IL1RAPL2: variants seen among roughly 807,000 people sequenced by gnomAD.
IL1RAPL2 encodes X-linked interleukin-1 receptor accessory protein-like 2.
A neutral mutation model predicts 44.1 loss-of-function variants in IL1RAPL2; 3 were observed. The observed-to-expected ratio is 0.07, with a 90% CI of 0.03 to 0.18. The LOEUF (loss-of-function observed/expected upper bound fraction) is 0.18. Among genes scored for constraint, IL1RAPL2 ranks in the 10% least tolerant of loss-of-function variants. IL1RAPL2 has a pLI of 1.00. For missense variants in IL1RAPL2, 391 were observed against 496.4 expected (o/e 0.79, Z 2.02); for synonymous variants, 181 against 178.8 (o/e 1.01, Z -0.10).
At chrX:104,828,929 T>C (rs921849915) in intron 2 of IL1RAPL2, among the ~76,000 whole-genome samples, 1 of 112,228 alleles carries the variant, frequency 8.9e-6, no homozygotes, top group Non-Finnish European at 1.9e-5. Flanking sequence ...TTTACCCTGT[T>C]AGGGGAGAAC....
At chrX:105,427,166 C>A (rs1481518216) in intron 5 of IL1RAPL2, among the ~76,000 whole-genome samples, 1 of 112,064 alleles carries the variant, frequency 8.9e-6, no homozygotes, top group Non-Finnish European at 1.9e-5. Context: ...ATCATGTCAT[C>A]TTGGATTAAT....
chrX:105,675,621 C>CT (rs2037864192), intron 6 of IL1RAPL2, among the ~76,000 whole-genome samples: 1 of 111,392 alleles, frequency 9.0e-6, no homozygotes, highest in South Asian at 3.8e-4. Flanking sequence ...CTGAAGTTTT[C>CT]TTTTTTTGTT....
chrX:105,390,642 C>T (rs1314265631), intron 5 of IL1RAPL2, among the ~76,000 whole-genome samples: 1 of 110,274 alleles, frequency 9.1e-6, no homozygotes, highest in Admixed American at 9.8e-5. Flanking sequence ...ATAACATTCC[C>T]CCCACTGTCT....
At chrX:104,612,723 G>T (rs896398169) in intron 1 of IL1RAPL2, among the ~76,000 whole-genome samples, 1 of 111,254 alleles carries the variant, frequency 9.0e-6, no homozygotes, top group Non-Finnish European at 1.9e-5. Flanking sequence ...AAATGACATT[G>T]GTAGTTTGAT....
At chrX:104,898,489 G>T (rs1011477254) in intron 2 of IL1RAPL2, among the ~76,000 whole-genome samples, 1 of 112,278 alleles carries the variant, frequency 8.9e-6, no homozygotes, top group African/African-American at 3.2e-5. Context: ...TTTCAAATAA[G>T]AATCAGAAAA....
intron 2 of IL1RAPL2, among the ~76,000 whole-genome samples, chrX:104,962,203 C>A (rs2030021949): frequency 3.6e-5 from 4 of 112,152 alleles, no homozygotes; most frequent in Non-Finnish European, 7.5e-5. Context: ...ATAGTTAAGT[C>A]TGTTTCCTAG....
At position 105,699,375 on chromosome X, in the gene IL1RAPL2, G is replaced by A. The variant is rs528056343; in HGVS notation, c.773-17992G>A. On this transcript the variant is annotated intron_variant, in intron 6 of 10. Coordinates refer to ENST00000372582, the MANE Select transcript of IL1RAPL2 (RefSeq NM_017416.2). ...AAATGTTTATGAGAGCCTACTACGT[G>A]TCAATTACTCTTCCATGCTCTAGGG... is the stretch of plus-strand genomic sequence containing the variant. Among the ~76,000 whole-genome samples, 7 of 111,382 alleles carry A rather than the reference G, an allele frequency of 6.3e-5. No homozygotes were observed. In the South Asian group the frequency reaches 2.6e-3, roughly 42 times the overall value.
chrX:104,636,186 C>G (rs1007609748), intron 1 of IL1RAPL2, among the ~76,000 whole-genome samples: 3 of 111,838 alleles, frequency 2.7e-5, no homozygotes, highest in African/African-American at 9.8e-5. Context: ...ATGTTGCTGC[C>G]TGGTCGTTCC....
intron 5 of IL1RAPL2, among the ~76,000 whole-genome samples, chrX:105,405,019 G>T (rs1407365993): frequency 9.0e-6 from 1 of 111,164 alleles, no homozygotes; most frequent in African/African-American, 3.3e-5. Context: ...CTCACATATG[G>T]TTATATACAT....
At chrX:105,447,015 GAAGGTC>G (rs1232427336) in intron 5 of IL1RAPL2, among the ~76,000 whole-genome samples, 11 of 85,294 alleles carry the variant, frequency 1.3e-4, no homozygotes, top group African/African-American at 4.7e-4. Context: ...ATTTGTCTGC[GAAGGTC>G]TTCATTTCTC....
intron 5 of IL1RAPL2, among the ~76,000 whole-genome samples, chrX:105,281,895 A>T (rs2034535584): frequency 9.0e-6 from 1 of 111,731 alleles, no homozygotes; most frequent in South Asian, 3.7e-4. Context: ...AGGTGAGTTC[A>T]TGGCCATTTC....
chrX:105,122,560 G>A (rs1020672046), intron 2 of IL1RAPL2, among the ~76,000 whole-genome samples: 1 of 111,406 alleles, frequency 9.0e-6, no homozygotes, highest in Non-Finnish European at 1.9e-5. Context: ...GCTCTCTGGG[G>A]AATCTTGACC....
chrX:105,182,054 G>A (rs1457386354), intron 2 of IL1RAPL2, among the ~76,000 whole-genome samples: 3 of 98,892 alleles, frequency 3.0e-5, no homozygotes, highest in African/African-American at 1.2e-4. Flanking sequence ...GCGACAGAGT[G>A]AGACTCTGTC....
chrX:104,719,243 G>C (rs1163828042), intron 2 of IL1RAPL2, among the ~76,000 whole-genome samples: 1 of 111,966 alleles, frequency 8.9e-6, no homozygotes, highest in African/African-American at 3.2e-5. Context: ...TTGATCACAA[G>C]GAATAGAAAA....
chrX:104,930,949 C>T (rs1924883938), intron 2 of IL1RAPL2, among the ~76,000 whole-genome samples: 1 of 111,196 alleles, frequency 9.0e-6, no homozygotes, highest in African/African-American at 3.3e-5. Flanking sequence ...TATCCTCAAC[C>T]ATTATGCCAT....
intron 2 of IL1RAPL2, among the ~76,000 whole-genome samples, chrX:104,718,069 G>T (rs1569302334): frequency 9.0e-6 from 1 of 111,103 alleles, no homozygotes; most frequent in Non-Finnish European, 1.9e-5. Context: ...AAACATATGT[G>T]TGCATGTGTC....
intron 5 of IL1RAPL2, among the ~76,000 whole-genome samples, chrX:105,316,539 C>T (rs765134349): frequency 9.0e-6 from 1 of 111,671 alleles, no homozygotes; most frequent in Non-Finnish European, 1.9e-5. Flanking sequence ...TGTAGGCTTT[C>T]CATCTTAAGG....
intron 2 of IL1RAPL2, among the ~76,000 whole-genome samples, chrX:104,905,517 C>A (rs1419123296): frequency 8.9e-6 from 1 of 111,965 alleles, no homozygotes; most frequent in Non-Finnish European, 1.9e-5. Context: ...CAGCTTTCTA[C>A]ATATGGCTAG....
chrX:105,291,612 A>T (rs2034612608), intron 5 of IL1RAPL2, among the ~76,000 whole-genome samples: 1 of 111,695 alleles, frequency 9.0e-6, no homozygotes, highest in African/African-American at 3.3e-5. Context: ...TAGAAGATCC[A>T]AACAATAAAA....
Sources: gnomAD v4.1 joint callset for allele counts (sites outside exome capture counted in the v4.1 genomes callset) on GRCh38, gnomAD v4.1.1 for gene constraint, MANE v1.5 for transcripts, NCBI Gene and HGNC (gene_info 2026-07-23, HGNC 2026-07-21) for gene names.